Variants in XRRA1 observed in about 807,000 individuals in gnomAD.
XRRA1 encodes the protein X-ray radiation resistance-associated protein 1.
A neutral mutation model predicts 80.2 loss-of-function variants in XRRA1; 69 were observed. The ratio of observed to expected loss-of-function variants is 0.86; its 90% CI spans 0.71 to 1.05. The LOEUF (loss-of-function observed/expected upper bound fraction) is 1.05, where lower values mean the gene tolerates loss of function less well. Ranked by LOEUF, XRRA1 falls within the 50% of genes least tolerant of loss-of-function variation. The pLI is 0.00. For missense variants in XRRA1, 967 were observed against 976.4 expected (o/e 0.99, Z 0.13); for synonymous variants, 348 against 389.9 (o/e 0.89, Z 1.27).
At chr11:74,880,073 C>T (rs973371565) in intron 10 of XRRA1, among the ~76,000 whole-genome samples, 90 of 151,962 alleles carry the variant, frequency 5.9e-4, no homozygotes, top group African/African-American at 2.1e-3. Flanking sequence ...TGGTAGAATT[C>T]GGCTGTGAAT....
chr11:74,927,300 C>A, intron 7 of XRRA1, 91 bp downstream of exon 7: 1 of 636,724 alleles, frequency 1.6e-6, no homozygotes, highest in South Asian at 2.5e-5. Context: ...CCCAGCAAGC[C>A]CCTTCCCAAC....
intron 14 of XRRA1, 61 bp downstream of exon 14, chr11:74,851,027 G>T: frequency 2.9e-6 from 4 of 1,379,774 alleles, no homozygotes; most frequent in Non-Finnish European, 4.0e-6. Context: ...AGGTTGGTTT[G>T]CATACATTAT....
At chr11:74,883,846 G>A (rs1208559245) in intron 10 of XRRA1, among the ~76,000 whole-genome samples, 2 of 152,200 alleles carry the variant, frequency 1.3e-5, no homozygotes, top group Non-Finnish European at 2.9e-5. Flanking sequence ...AAGGCAGATA[G>A]TGAGGGTAAA....
intron 10 of XRRA1, among the ~76,000 whole-genome samples, chr11:74,892,462 A>T (rs548953203): frequency 6.6e-6 from 1 of 152,250 alleles, no homozygotes; most frequent in African/African-American, 2.4e-5. Context: ...CTAGAAGAAA[A>T]CCTAGGCATT....
chr11:74,926,923 T>C (rs1942377577), intron 7 of XRRA1, among the ~76,000 whole-genome samples: 1 of 151,996 alleles, frequency 6.6e-6, no homozygotes, highest in Admixed American at 6.6e-5. Flanking sequence ...CGAGACTGAT[T>C]CAGCTCACTT....
chr11:74,900,281 T>C (rs2053323331), intron 10 of XRRA1, among the ~76,000 whole-genome samples: 4 of 152,132 alleles, frequency 2.6e-5, no homozygotes, highest in Admixed American at 2.6e-4. Flanking sequence ...TTCAACAGTA[T>C]ATTAAGAAGA....
intron 12 of XRRA1, among the ~76,000 whole-genome samples, chr11:74,857,311 C>T (rs1375165577): frequency 6.6e-6 from 1 of 151,884 alleles, no homozygotes; most frequent in East Asian, 1.9e-4. Context: ...GAAAGAGATA[C>T]ACCATGCAAA....
At chr11:74,922,843 A>AGAT (rs1941241376) in intron 7 of XRRA1, among the ~76,000 whole-genome samples, 1 of 152,198 alleles carries the variant, frequency 6.6e-6, no homozygotes, top group Non-Finnish European at 1.5e-5. Context: ...GTTCTTATGT[A>AGAT]GATAAAGCCT....
At chr11:74,922,071 C>T (rs1201593236) in intron 7 of XRRA1, among the ~76,000 whole-genome samples, 2 of 151,904 alleles carry the variant, frequency 1.3e-5, no homozygotes, top group African/African-American at 2.4e-5. Flanking sequence ...TCCTGGCTAA[C>T]ACGGTGAAAC....
chr11:74,921,185 C>A, intron 8 of XRRA1, 29 bp downstream of exon 8: 2 of 1,609,396 alleles, frequency 1.2e-6, no homozygotes, highest in Non-Finnish European at 1.7e-6. Context: ...CACAAAAACA[C>A]AGAATGGACT....
chr11:74,948,731 G>A (rs1948170813), intron 1 of XRRA1, among the ~76,000 whole-genome samples, 197 bp downstream of exon 1: 1 of 152,156 alleles, frequency 6.6e-6, no homozygotes, highest in Non-Finnish European at 1.5e-5. Context: ...CAGACTGTAG[G>A]CACTCAGTAA....
intron 10 of XRRA1, among the ~76,000 whole-genome samples, chr11:74,892,063 T>A (rs998227225): frequency 3.9e-5 from 6 of 152,128 alleles, no homozygotes; most frequent in African/African-American, 1.2e-4. Flanking sequence ...ACTTTAAAGT[T>A]CATATGGAAC....
chr11:74,873,417 G>A (rs1438525603), intron 10 of XRRA1, among the ~76,000 whole-genome samples: 1 of 152,142 alleles, frequency 6.6e-6, no homozygotes, highest in Non-Finnish European at 1.5e-5. Flanking sequence ...GAACTAAATG[G>A]TTCAGTCCTA....
chr11:74,894,567 A>G (rs1233579085), intron 10 of XRRA1, among the ~76,000 whole-genome samples: 1 of 152,204 alleles, frequency 6.6e-6, no homozygotes, highest in South Asian at 2.1e-4. Context: ...GGCAGGTGAG[A>G]GAATGAATGA....
intron 11 of XRRA1, among the ~76,000 whole-genome samples, chr11:74,862,711 C>A (rs2042560417): frequency 6.6e-6 from 1 of 152,148 alleles, no homozygotes; most frequent in Admixed American, 6.5e-5. Context: ...CATGTGAGAA[C>A]AATGAAAGTT....
intron 3 of XRRA1, among the ~76,000 whole-genome samples, chr11:74,939,897 G>A (rs1451119428): frequency 6.6e-6 from 1 of 152,170 alleles, no homozygotes; most frequent in Non-Finnish European, 1.5e-5. Context: ...GAGAGCAAGA[G>A]AGAGACAAAG....
chr11:74,861,944 T>C (rs1436760237), intron 11 of XRRA1, among the ~76,000 whole-genome samples: 1 of 152,220 alleles, frequency 6.6e-6, no homozygotes, highest in Non-Finnish European at 1.5e-5. Flanking sequence ...GTGGGCTTTG[T>C]GCTTAACTTG....
At chr11:74,875,702 C>T (rs1388049941) in intron 10 of XRRA1, among the ~76,000 whole-genome samples, 1 of 152,142 alleles carries the variant, frequency 6.6e-6, no homozygotes, top group African/African-American at 2.4e-5. Flanking sequence ...AACCCCATCT[C>T]TACTAATAAT....
chr11:74,872,630 G>C (rs2045103201), intron 10 of XRRA1, among the ~76,000 whole-genome samples: 1 of 152,096 alleles, frequency 6.6e-6, no homozygotes, highest in Non-Finnish European at 1.5e-5. Flanking sequence ...GCCAGTGGTT[G>C]GGACCACTGG....
Sources: allele counts gnomAD v4.1 joint callset (sites outside exome capture counted in the v4.1 genomes callset), GRCh38; gene constraint gnomAD v4.1.1; transcripts MANE v1.5; gene names NCBI Gene and HGNC (gene_info 2026-07-23, HGNC 2026-07-21).